Variants in EYA2 observed in about 807,000 individuals in gnomAD.
The protein encoded by EYA2 is EYA transcriptional coactivator and phosphatase 2, also known as protein phosphatase EYA2.
Under a neutral mutation model 69.2 loss-of-function variants are expected in EYA2, and 31 were observed. The ratio of observed to expected loss-of-function variants is 0.45; its 90% confidence interval spans 0.34 to 0.60. The LOEUF is 0.60. Ranked by LOEUF, EYA2 falls within the 20% of genes least tolerant of loss-of-function variation. The pLI, the probability that EYA2 is intolerant of heterozygous loss-of-function variation, is 0.02. For synonymous variants in EYA2, 257 were observed against 279.4 expected, an observed-to-expected ratio of 0.92 and a Z score of 0.80; for missense variants, 622 against 701.2, an observed-to-expected ratio of 0.89 and a Z score of 1.28.
In EYA2 at chr20:46,994,905, C is replaced by CTT. The variant is rs3091998; in HGVS notation, c.109+4797_109+4798dup. ...TACTGCCACTTGGTACTAATTTGTT[C>CTT]TTTTTTTTTTTTGAGACCGAGTTTC... On this transcript the variant is annotated intron_variant, in intron 2 of 15. Transcript: ENST00000327619. Among the ~76,000 whole-genome samples the CTT allele has an allele frequency of 3.6e-3, 526 of 147,094 alleles. 6 individuals carry two copies. The East Asian group carries it at 0.048, about 13-fold the overall frequency.
intron 1 of EYA2, among the ~76,000 whole-genome samples, chr20:46,943,325 AC>A (rs1986234168): frequency 6.6e-6 from 1 of 152,148 alleles, no homozygotes. Context: ...AGACATCCTC[AC>A]GTAGAGTATT....
intron 7 of EYA2, among the ~76,000 whole-genome samples, chr20:47,086,807 T>C (rs2031907795): frequency 6.7e-6 from 1 of 149,810 alleles, no homozygotes. Flanking sequence ...TTTGTTTTTT[T>C]GTTGTTTTTT....
chr20:47,130,172 A>G (rs1171201575), intron 9 of EYA2, among the ~76,000 whole-genome samples: 4 of 151,764 alleles, frequency 2.6e-5, no homozygotes, highest in African/African-American at 7.3e-5. Context: ...AACCCCAAAT[A>G]ATATAGCTGA....
chr20:47,000,888 A>C (rs547666414), intron 2 of EYA2, among the ~76,000 whole-genome samples: 1 of 152,232 alleles, frequency 6.6e-6, no homozygotes, highest in African/African-American at 2.4e-5. Context: ...GGAAGTGAGG[A>C]GGCAGGGGAG....
At chr20:47,009,225 T>C (rs1982913789) in intron 4 of EYA2, among the ~76,000 whole-genome samples, 2 of 152,138 alleles carry the variant, frequency 1.3e-5, no homozygotes, top group South Asian at 4.1e-4. Context: ...AGAATGTCCA[T>C]GTCACTGAAC....
chr20:47,154,234 G>A (rs1199752669), intron 10 of EYA2, among the ~76,000 whole-genome samples: 2 of 151,994 alleles, frequency 1.3e-5, no homozygotes, highest in Admixed American at 6.5e-5. Flanking sequence ...GAGAGAGCCA[G>A]AGAGAGAAAA....
intron 1 of EYA2, among the ~76,000 whole-genome samples, chr20:46,969,477 T>C (rs1980008511): frequency 6.6e-6 from 1 of 152,260 alleles, no homozygotes; most frequent in Non-Finnish European, 1.5e-5. Context: ...ATTAGCTATA[T>C]AACTTTTTTA....
chr20:46,895,579 C>G (rs952069783), intron 1 of EYA2, among the ~76,000 whole-genome samples: 1 of 152,182 alleles, frequency 6.6e-6, no homozygotes, highest in Non-Finnish European at 1.5e-5. Flanking sequence ...AATCCTGGCG[C>G]CTGCTGCGGG....
chr20:47,118,706 C>G (rs1054543051), intron 9 of EYA2, among the ~76,000 whole-genome samples: 2 of 152,138 alleles, frequency 1.3e-5, no homozygotes, highest in Admixed American at 1.3e-4. Context: ...CTTTGAAGCC[C>G]TGTGCTCTCG....
Position 46,918,299 on chromosome 20 carries a change from C to T in EYA2, c.-11+23312C>T, listed in dbSNP as rs569696233. Among the ~76,000 whole-genome samples, 63 of 151,256 alleles carry T rather than the reference C, an allele frequency of 4.2e-4. 1 individual carries two copies. The highest frequency in any genetic ancestry group is 2.5e-4 in the Non-Finnish European group (17 of 67,814). ...TCGCGCCAGTGCACTCCAGCCTGGGCGACAGAGCAAGACTCCGTCTCAAAA... is the reference window on the plus strand; with the variant it reads ...TCGCGCCAGTGCACTCCAGCCTGGGTGACAGAGCAAGACTCCGTCTCAAAA... On this transcript the variant is annotated intron_variant, in intron 1 of 15. Transcript: ENST00000327619.
chr20:46,934,028 A>G (rs1985791857), intron 1 of EYA2, among the ~76,000 whole-genome samples: 1 of 152,258 alleles, frequency 6.6e-6, no homozygotes, highest in South Asian at 2.1e-4. Flanking sequence ...TCAAGACCTC[A>G]CGTGACAGTG....
intron 1 of EYA2, among the ~76,000 whole-genome samples, chr20:46,952,802 G>A (rs527656945): frequency 1.3e-5 from 2 of 152,318 alleles, no homozygotes; most frequent in South Asian, 4.1e-4. Flanking sequence ...TACCAGATCA[G>A]CCCCGCATCC....
At chr20:46,949,930 CA>C (rs1978697005) in intron 1 of EYA2, among the ~76,000 whole-genome samples, 1 of 152,194 alleles carries the variant, frequency 6.6e-6, no homozygotes, top group Non-Finnish European at 1.5e-5. Flanking sequence ...TATCATTTTG[CA>C]TCTATGATGC....
chr20:47,040,675 G>A (rs1203252235), intron 5 of EYA2, among the ~76,000 whole-genome samples: 1 of 152,142 alleles, frequency 6.6e-6, no homozygotes, highest in East Asian at 1.9e-4. Flanking sequence ...CACACAACAG[G>A]TAGGGACTGA....
rs143373156 is a variant in EYA2, at chr20:46,913,675, G to A, written c.-11+18688G>A. The stretch of plus-strand genomic sequence containing the variant: ...CTAGATATGCTTTTAAGATAGAGCC[G>A]ATAGAATTTGCTGAGGGATTGGCTC... On this transcript the variant is annotated intron_variant, in intron 1 of 15. Transcript: ENST00000327619. Among the ~76,000 whole-genome samples, 28 of 152,242 alleles carry A rather than the reference G, an allele frequency of 1.8e-4. No individual in the cohort carries two copies. The East Asian group carries it at 5.0e-3, about 27-fold the overall frequency.
chr20:47,005,003 C>A lies in EYA2; in HGVS notation c.217C>A (p.Gln73Lys). Residue 73 changes from glutamine to lysine, a missense_variant, in exon 4 of 16, where the codon CAG becomes AAG. Gln to Lys is a moderately conservative substitution (Grantham distance 53). This residue lies in a region of EYA2 where 365 missense variants were observed against 349.7 expected (regional missense o/e 1.04). Coordinates refer to ENST00000327619, the MANE Select transcript of EYA2 (RefSeq NM_005244.5). ...AGCCATGGCAGCCTACGGCCAGACGCAGTACAGTGCGGGGATCCAGCAGGC... is the reference window on the plus strand; with the variant it reads ...AGCCATGGCAGCCTACGGCCAGACGAAGTACAGTGCGGGGATCCAGCAGGC... ...STAMAAYGQT[Q>K]YSAGIQQATP... 6.2e-7 allele frequency: 1 copy of A among 1,614,106 alleles called. No individual in the cohort carries two copies. The highest frequency in any genetic ancestry group is 1.3e-5 in the African/African-American group (1 of 75,018).
At chr20:47,023,632 G>GTTTTTTTTTTT (rs60939329) in intron 5 of EYA2, among the ~76,000 whole-genome samples, 5 of 90,082 alleles carry the variant, frequency 5.6e-5, no homozygotes, top group Admixed American at 1.3e-4. Context: ...GATTTTGGGT[G>GTTTTTTTTTTT]TTTTTTTTTT....
chr20:47,185,655 C>A (rs1297360032), intron 15 of EYA2, among the ~76,000 whole-genome samples: 1 of 152,030 alleles, frequency 6.6e-6, no homozygotes, highest in Non-Finnish European at 1.5e-5. Flanking sequence ...CAGAATCTAT[C>A]TTTGCAAAGA....
intron 12 of EYA2, among the ~76,000 whole-genome samples, chr20:47,174,034 G>A (rs1187645783): frequency 6.6e-6 from 1 of 152,240 alleles, no homozygotes; most frequent in Non-Finnish European, 1.5e-5. Context: ...GAATTCTGGA[G>A]TTCTCTAGAA....
Sources: allele counts gnomAD v4.1 joint callset (sites outside exome capture counted in the v4.1 genomes callset), GRCh38; gene constraint gnomAD v4.1.1; regional missense constraint gnomAD v4.1.1; transcripts MANE v1.5; gene names NCBI Gene and HGNC (gene_info 2026-07-23, HGNC 2026-07-21).